SLC38A1: variants seen among roughly 807,000 people sequenced by gnomAD.
SLC38A1 encodes the protein sodium-coupled neutral amino acid symporter 1.
In SLC38A1, 18 loss-of-function variants were observed where a neutral mutation model predicts 60.3. That is an observed-to-expected ratio of 0.30 (90% CI 0.21 to 0.44). The LOEUF is 0.44. SLC38A1 is among the 20% of genes least tolerant of loss of function. The pLI is 1.00. For missense variants in SLC38A1, 448 were observed against 587.2 expected (o/e 0.76, Z 2.45); for synonymous variants, 196 against 212.1 (o/e 0.92, Z 0.66).
chr12:46,237,045 C>T (rs934389610), intron 3 of SLC38A1, among the ~76,000 whole-genome samples: 2 of 152,222 alleles, frequency 1.3e-5, no homozygotes, highest in African/African-American at 4.8e-5. Flanking sequence ...AATGACTCCA[C>T]TTTTATTTTC....
rs1365669054 is a variant in SLC38A1 at position 46,184,084 on chromosome 12, T to C, written c.*4886A>G. 1.3e-5 allele frequency: 2 copies of C among 152,624 alleles called. No individual in the cohort carries two copies. Among genetic ancestry groups the C allele is most frequent in the Non-Finnish European group, 2.9e-5 (2 of 68,038 alleles). 9.5% of individuals were successfully genotyped at this position (152,624 alleles called of 1,614,324 possible). A position where few individuals can be genotyped will look rare whatever the true frequency, so the allele number is the denominator to read the frequency against. On this transcript the variant is annotated 3_prime_UTR_variant, in exon 17 of 17. Transcript: ENST00000398637. Reference sequence around the variant, plus strand: ...TCCTTTAAAAACGTAAATTTGAGCCTGTATACAGATGGGCCCAGTTTCATA... The same window carrying C: ...TCCTTTAAAAACGTAAATTTGAGCCCGTATACAGATGGGCCCAGTTTCATA...
chr12:46,202,516 T>C (rs192436638), intron 12 of SLC38A1, among the ~76,000 whole-genome samples: 5 of 152,318 alleles, frequency 3.3e-5, no homozygotes, highest in African/African-American at 1.2e-4. Flanking sequence ...ATTTTCTTAA[T>C]AGTTAAAAAT....
intron 5 of SLC38A1, among the ~76,000 whole-genome samples, chr12:46,224,862 T>C (rs1431482949): frequency 1.3e-5 from 2 of 152,188 alleles, no homozygotes; most frequent in African/African-American, 4.8e-5. Context: ...TCTATAATAG[T>C]TTCATCCAGG....
At chr12:46,198,445 C>T (rs867673442) in intron 14 of SLC38A1, among the ~76,000 whole-genome samples, 180 bp downstream of exon 14, 68 of 152,164 alleles carry the variant, frequency 4.5e-4, no homozygotes, top group African/African-American at 1.6e-3. Context: ...GGCTCCCTGA[C>T]GCACTGAATG....
chr12:46,188,918 G>T lies in SLC38A1; in HGVS notation c.*52C>A. Reference sequence around the variant, plus strand: ...AGAAGTGGTGAGAGATTGCTGATGTGTGGGGACTTGACTGAGCAGACAACA... The same window carrying T: ...AGAAGTGGTGAGAGATTGCTGATGTTTGGGGACTTGACTGAGCAGACAACA... On this transcript the variant is annotated 3_prime_UTR_variant, in exon 17 of 17. Transcript: ENST00000398637. 7.0e-7 allele frequency: 1 copy of T among 1,433,546 alleles called. No individual in the cohort carries two copies. Among genetic ancestry groups the T allele is most frequent in the Non-Finnish European group, 9.8e-7 (1 of 1,020,898 alleles). 88.8% of individuals were successfully genotyped at this position (1,433,546 alleles called of 1,614,324 possible). A position where few individuals can be genotyped will look rare whatever the true frequency, so the allele number is the denominator to read the frequency against.
At chr12:46,241,000 C>G (rs758941672) in intron 2 of SLC38A1, among the ~76,000 whole-genome samples, 1 of 152,152 alleles carries the variant, frequency 6.6e-6, no homozygotes, top group East Asian at 1.9e-4. Flanking sequence ...CCATGCCACC[C>G]TGAATGTGCC....
intron 8 of SLC38A1, among the ~76,000 whole-genome samples, 180 bp from the exon 9 acceptor site, chr12:46,206,342 T>C (rs1939899894): frequency 6.6e-6 from 1 of 151,982 alleles, no homozygotes; most frequent in Non-Finnish European, 1.5e-5. Context: ...ACTTATATAC[T>C]ACAGCTTCAC....
chr12:46,188,281 C>T lies in SLC38A1; in HGVS notation c.*689G>A, dbSNP rs1329869694. ...TAATTACCAAGGTAAGAATCATCCC[C>T]AACCACTTTTCAGCTGAGAACACTT... On this transcript the variant is annotated 3_prime_UTR_variant, in exon 17 of 17. Transcript: ENST00000398637. 6.6e-6 allele frequency: 1 copy of T among 152,180 alleles called. No individual in the cohort carries two copies. The highest frequency in any genetic ancestry group is 1.5e-5 in the Non-Finnish European group (1 of 68,022). The allele number at this position is 152,180 out of a possible 1,614,324, so 9.4% of individuals were successfully genotyped here.
chr12:46,227,400 G>C (rs1183197009), intron 5 of SLC38A1, among the ~76,000 whole-genome samples: 1 of 152,172 alleles, frequency 6.6e-6, no homozygotes, highest in Non-Finnish European at 1.5e-5. Context: ...GGGTGATCAA[G>C]AGAGATTCCA....
chr12:46,249,052 A>G (rs905766689), intron 1 of SLC38A1, among the ~76,000 whole-genome samples: 2 of 149,012 alleles, frequency 1.3e-5, no homozygotes, highest in Non-Finnish European at 3.0e-5. Flanking sequence ...GCTACTTGGG[A>G]GGCTCAGGCA....
chr12:46,229,628 G>A lies in SLC38A1; in HGVS notation c.134C>T (p.Ser45Phe), dbSNP rs1311391649. 2 of 1,613,342 alleles carry A rather than the reference G, an allele frequency of 1.2e-6. No individual in the cohort carries two copies. The highest frequency in any genetic ancestry group is 1.7e-5 in the Admixed American group (1 of 60,012). ...GAGACTTCTTCTACTTTCACGATCA[G>A]AAATAAACTTGCTGTAAAGACATGC... Reference protein sequence around the residue: ...ENGQINSKFISDRESRRSLTN... With the variant: ...ENGQINSKFIFDRESRRSLTN... The change falls in exon 4 of 17, where the codon TCT becomes TTT. Residue 45 changes from serine to phenylalanine, a missense_variant. Ser to Phe is a radical substitution (Grantham distance 155). Transcript: ENST00000398637.
intron 11 of SLC38A1, among the ~76,000 whole-genome samples, chr12:46,203,583 A>G (rs1939759392): frequency 6.6e-6 from 1 of 152,218 alleles, no homozygotes; most frequent in Admixed American, 6.5e-5. Context: ...TCTGTTCCAT[A>G]TTGCACTACT....
intron 5 of SLC38A1, among the ~76,000 whole-genome samples, chr12:46,215,904 T>G (rs1421570843): frequency 1.3e-5 from 2 of 152,200 alleles, no homozygotes; most frequent in African/African-American, 4.8e-5. Context: ...GATCTATCAC[T>G]GTCTCCTAAT....
At chr12:46,238,030 C>A (rs1041754270) in intron 3 of SLC38A1, among the ~76,000 whole-genome samples, 2 of 151,724 alleles carry the variant, frequency 1.3e-5, no homozygotes, top group Non-Finnish European at 2.9e-5. Context: ...CCTGTGTGTA[C>A]CCTTGGATAA....
intron 1 of SLC38A1, among the ~76,000 whole-genome samples, chr12:46,256,496 C>T (rs1490205219): frequency 2.0e-5 from 3 of 152,180 alleles, no homozygotes; most frequent in East Asian, 3.9e-4. Flanking sequence ...ACCCCGAACC[C>T]GGGCTGCCAT....
rs539854292 is a variant in SLC38A1, at chr12:46,209,490, G to A, written c.315-363C>T. 1.3e-4 allele frequency among the ~76,000 whole-genome samples: 20 copies of A among 152,254 alleles called. No homozygotes were observed. The East Asian group carries it at 3.1e-3, about 24-fold the overall frequency. On this transcript the variant is annotated intron_variant, in intron 5 of 16. Coordinates refer to ENST00000398637, the MANE Select transcript of SLC38A1 (RefSeq NM_030674.4). The stretch of plus-strand genomic sequence containing the variant: ...AGAAAGTGTGAGAATGGGGTGGGAG[G>A]GGCGGAGGGAAAGGCTGGCAGTGAC...
At chr12:46,223,431 ATCTC>A (rs765168895) in intron 5 of SLC38A1, among the ~76,000 whole-genome samples, 2 of 147,554 alleles carry the variant, frequency 1.4e-5, no homozygotes, top group African/African-American at 5.2e-5. Flanking sequence ...CACTCTCTCC[ATCTC>A]TCTTTCTCTC....
Position 46,207,214 on chromosome 12 carries a change from G to A in SLC38A1, c.504C>T (p.Ile168=), listed in dbSNP as rs768568481. The A allele has an allele frequency of 1.6e-5, 25 of 1,612,698 alleles. No individual in the cohort carries two copies. Among genetic ancestry groups the A allele is most frequent in the African/African-American group, 6.7e-5 (5 of 74,848 alleles). Residue 168 remains isoleucine, a synonymous_variant, in exon 8 of 17, where the codon ATC becomes ATT. Coordinates refer to ENST00000398637, the MANE Select transcript of SLC38A1 (RefSeq NM_030674.4). The part of the protein sequence containing the change: ...NTGAMLSYLF[I]VKNELPSAIK... Reference sequence around the variant, plus strand: ...TGGCAGAGGGTAGTTCATTTTTTACGATGAAGAGGTAGCTCAGCATTGCTG... The same window carrying A: ...TGGCAGAGGGTAGTTCATTTTTTACAATGAAGAGGTAGCTCAGCATTGCTG...
At chr12:46,257,211 CACA>C (rs1397451008) in intron 1 of SLC38A1, among the ~76,000 whole-genome samples, 17 of 152,288 alleles carry the variant, frequency 1.1e-4, no homozygotes, top group Admixed American at 6.5e-4. Context: ...TCCTGTCACC[CACA>C]GCCATCAGCA....
Sources: allele counts gnomAD v4.1 joint callset (sites outside exome capture counted in the v4.1 genomes callset), GRCh38; gene constraint gnomAD v4.1.1; transcripts MANE v1.5; gene names NCBI Gene and HGNC (gene_info 2026-07-23, HGNC 2026-07-21).